Variants in NWD2 observed in about 807,000 individuals in gnomAD.
NWD2 encodes the protein NACHT and WD repeat domain containing 2.
A neutral mutation model predicts 132.7 loss-of-function variants in NWD2; 37 were observed. That is an observed-to-expected ratio of 0.28 (90% confidence interval 0.21 to 0.37). The LOEUF is 0.37. Ranked by LOEUF, NWD2 falls within the 10% of genes least tolerant of loss-of-function variation. The pLI, the probability that NWD2 is intolerant of heterozygous loss-of-function variation, is 1.00. For missense variants in NWD2, 1,592 were observed against 2,122.4 expected (o/e 0.75, Z 4.91); for synonymous variants, 705 against 803.0 (o/e 0.88, Z 2.06).
intron 1 of NWD2, among the ~76,000 whole-genome samples, chr4:37,303,298 A>G (rs749857426): frequency 1.3e-5 from 2 of 152,084 alleles, no homozygotes; most frequent in Non-Finnish European, 2.9e-5. Context: ...AAATTCTGTT[A>G]CATCGGTGTA....
At position 37,344,163 on chromosome 4, in the gene NWD2, T is replaced by C. The variant is rs1426937491; in HGVS notation, c.241-12203T>C. ...ACATTAGGCTAAAAGCTAAACTTAA[T>C]TTTTTAAAGTATGTAATAAATCTTG... On this transcript the variant is annotated intron_variant, in intron 2 of 6. Transcript: ENST00000309447. 2.6e-5 allele frequency among the ~76,000 whole-genome samples: 4 copies of C among 152,190 alleles called. No individual in the cohort carries two copies. In the East Asian group the frequency reaches 7.7e-4, roughly 29 times the overall value.
At chr4:37,410,237 G>C (rs914393031) in intron 3 of NWD2, among the ~76,000 whole-genome samples, 2 of 152,146 alleles carry the variant, frequency 1.3e-5, no homozygotes, top group African/African-American at 4.8e-5. Flanking sequence ...AGACCCATCA[G>C]TGTGTTGTGT....
chr4:37,373,620 G>A (rs920742674), intron 3 of NWD2, among the ~76,000 whole-genome samples: 1 of 152,186 alleles, frequency 6.6e-6, no homozygotes, highest in Non-Finnish European at 1.5e-5. Context: ...TAGAAAATTA[G>A]CAACAGTGAT....
At chr4:37,390,881 A>G (rs1720668130) in intron 3 of NWD2, among the ~76,000 whole-genome samples, 1 of 152,240 alleles carries the variant, frequency 6.6e-6, no homozygotes, top group Non-Finnish European at 1.5e-5. Flanking sequence ...AGGGAGACAA[A>G]ATGGAGAATA....
chr4:37,422,383 C>CTT (rs941248872), intron 3 of NWD2, among the ~76,000 whole-genome samples: 3 of 152,192 alleles, frequency 2.0e-5, no homozygotes, highest in Non-Finnish European at 4.4e-5. Context: ...TTTTAAAGCT[C>CTT]TTTTTCTCCA....
chr4:37,355,077 C>G (rs1444963041), intron 2 of NWD2, among the ~76,000 whole-genome samples: 1 of 152,134 alleles, frequency 6.6e-6, no homozygotes. Context: ...AACATGAGAG[C>G]CAGTATGGGG....
intron 3 of NWD2, among the ~76,000 whole-genome samples, chr4:37,413,290 C>G (rs1721199450): frequency 6.6e-6 from 1 of 152,132 alleles, no homozygotes; most frequent in African/African-American, 2.4e-5. Context: ...AAGCAAACAA[C>G]CCCATCAAAA....
intron 2 of NWD2, among the ~76,000 whole-genome samples, chr4:37,347,973 T>C (rs1462386050): frequency 2.0e-5 from 3 of 152,198 alleles, no homozygotes; most frequent in African/African-American, 4.8e-5. Context: ...TGGCATATGG[T>C]CTTATAATGA....
At chr4:37,432,723 A>G (rs1262554412) in intron 4 of NWD2, among the ~76,000 whole-genome samples, 1 of 152,180 alleles carries the variant, frequency 6.6e-6, no homozygotes, top group Admixed American at 6.5e-5. Context: ...GTTCATTTAT[A>G]TTCATGCATC....
At chr4:37,398,663 G>A (rs971871665) in intron 3 of NWD2, among the ~76,000 whole-genome samples, 7 of 152,154 alleles carry the variant, frequency 4.6e-5, no homozygotes, top group African/African-American at 1.7e-4. Context: ...TTTAGGGTCA[G>A]CCTTATCTTT....
At position 37,444,284 on chromosome 4, in the gene NWD2, G is replaced by T. The variant is rs760850322; in HGVS notation, c.2296G>T (p.Val766Phe). Residue 766 changes from valine (V) to phenylalanine (F), a missense_variant, in exon 7 of 7, where the codon GTT (valine) becomes TTT (phenylalanine). Physicochemically the swap from Val to Phe is conservative, Grantham distance 50. Around this residue, in one of 7 missense-constraint regions of NWD2, gnomAD observed 1,071 missense variants for 1,398.0 expected, o/e 0.77. Transcript: ENST00000309447. This position sits in a 1 kb window ranked among gnomAD's most constrained non-coding sequence, Gnocchi z 4.8. ...HTILADYFLG[V>F]WSGGRRKAFC... ...CATCTTAGCAGATTATTTTCTGGGGGTTTGGTCAGGGGGCAGGAGGAAAGC... is the reference window on the plus strand; with the variant it reads ...CATCTTAGCAGATTATTTTCTGGGGTTTTGGTCAGGGGGCAGGAGGAAAGC... 11 of 1,551,582 alleles carry T rather than the reference G, an allele frequency of 7.1e-6. No homozygotes were observed. Among genetic ancestry groups the T allele is most frequent in the African/African-American group, 1.4e-5 (1 of 73,042 alleles).
intron 2 of NWD2, 53 bp from the exon 3 acceptor site, chr4:37,356,313 A>G (rs1719870904): frequency 3.1e-6 from 3 of 953,878 alleles, no homozygotes; most frequent in Non-Finnish European, 4.6e-6. Flanking sequence ...TGACATTGTA[A>G]ATAAAAACAA....
In NWD2 at chr4:37,445,521, A is replaced by G. The variant is rs1712609420; in HGVS notation, c.3533A>G (p.Gln1178Arg). Residue 1178 changes from glutamine to arginine, a missense_variant, in exon 7 of 7, where the codon CAG (glutamine) becomes CGG (arginine). Around this residue, in one of 7 missense-constraint regions of NWD2, gnomAD observed 1,071 missense variants for 1,398.0 expected, o/e 0.77. Coordinates refer to ENST00000309447, the MANE Select transcript of NWD2 (RefSeq NM_001144990.2). The surrounding 1 kb of genome is among the most constrained non-coding windows in gnomAD (Gnocchi z 4.7). Reference sequence around the variant, plus strand: ...AATACTGAGGACATTTCCAGCCCCCAGCTGACTGATGACTTTGATTGCCGA... The same window carrying G: ...AATACTGAGGACATTTCCAGCCCCCGGCTGACTGATGACTTTGATTGCCGA... ...VWNTEDISSP[Q>R]LTDDFDCRRE... 3 of 1,551,852 alleles carry G rather than the reference A, an allele frequency of 1.9e-6. No individual in the cohort carries two copies. Among genetic ancestry groups the G allele is most frequent in the Non-Finnish European group, 2.6e-6 (3 of 1,147,088 alleles).
At chr4:37,431,658 T>A (rs944807591) in intron 4 of NWD2, among the ~76,000 whole-genome samples, 2 of 152,184 alleles carry the variant, frequency 1.3e-5, no homozygotes, top group African/African-American at 4.8e-5. Flanking sequence ...TTATGTGAGG[T>A]AGTGGATTTG....
At chr4:37,335,304 G>GA (rs1288098750) in intron 2 of NWD2, among the ~76,000 whole-genome samples, 1 of 115,888 alleles carries the variant, frequency 8.6e-6, no homozygotes, top group Non-Finnish European at 1.7e-5. Flanking sequence ...GGTGGGCGGG[G>GA]GGGGGGGGCT....
chr4:37,420,778 G>A (rs1372425701), intron 3 of NWD2, among the ~76,000 whole-genome samples: 1 of 152,172 alleles, frequency 6.6e-6, no homozygotes, highest in Admixed American at 6.6e-5. Flanking sequence ...ATTTGGGACT[G>A]GGGCAGGGGC....
intron 6 of NWD2, among the ~76,000 whole-genome samples, chr4:37,440,930 ACTTT>A (rs1214134175): frequency 2.6e-5 from 4 of 152,184 alleles, no homozygotes; most frequent in Non-Finnish European, 5.9e-5. Context: ...TAAGAACAGG[ACTTT>A]CTTTAAGTTC....
intron 1 of NWD2, among the ~76,000 whole-genome samples, chr4:37,258,771 G>A (rs963447425): frequency 2.6e-5 from 4 of 152,122 alleles, no homozygotes; most frequent in African/African-American, 7.2e-5. Context: ...TGGTTCTTTT[G>A]CTGAGATTTT....
At chr4:37,292,543 G>T (rs1264460724) in intron 1 of NWD2, among the ~76,000 whole-genome samples, 1 of 152,160 alleles carries the variant, frequency 6.6e-6, no homozygotes, top group African/African-American at 2.4e-5. Flanking sequence ...AAGATATTGT[G>T]TTATAGCGGC....
Sources: gnomAD v4.1 joint callset for allele counts (sites outside exome capture counted in the v4.1 genomes callset) on GRCh38, gnomAD v4.1.1 for gene constraint, gnomAD v4.1.1 regional missense constraint, Gnocchi (gnomAD v3.1) non-coding constraint, MANE v1.5 for transcripts, NCBI Gene and HGNC (gene_info 2026-07-23, HGNC 2026-07-21) for gene names.